GSG1L: variants seen among roughly 807,000 people sequenced by gnomAD.
GSG1L encodes GSG1 like, also known as germ cell-specific gene 1-like protein.
GSG1L carries 24 observed loss-of-function variants against 42.1 expected under a neutral mutation model. The observed-to-expected ratio is 0.57, with a 90% CI of 0.41 to 0.80. The LOEUF is 0.80. Ranked by LOEUF, GSG1L falls within the 30% of genes least tolerant of loss-of-function variation. The pLI is 0.00. For synonymous variants in GSG1L, 215 were observed against 203.5 expected (o/e 1.06, Z -0.48); for missense variants, 445 against 472.2 (o/e 0.94, Z 0.53).
In GSG1L at chr16:28,007,496, TTGGTTGGTTGGTTGGTTGG is replaced by T. The variant is rs1359341019; in HGVS notation, c.350-44312_350-44294del. On this transcript the variant is annotated intron_variant, in intron 1 of 6. Coordinates refer to ENST00000447459, the MANE Select transcript of GSG1L (RefSeq NM_001109763.2). ...TGTGTGTGGTTGGTTGGTTGGTTGG[TTGGTTGGTTGGTTGGTTGG>T]TGGTTGGTTGGTTTTGAGACAGGAT... 3.6e-3 allele frequency among the ~76,000 whole-genome samples: 321 copies of T among 89,982 alleles called. 2 individuals carry two copies. The highest frequency in any genetic ancestry group is 0.021 in the African/African-American group (296 of 14,166). 59.0% of individuals were successfully genotyped at this position (89,982 alleles called of 152,430 possible).
intron 1 of GSG1L, among the ~76,000 whole-genome samples, chr16:28,038,896 A>T (rs1409855190): frequency 6.6e-6 from 1 of 152,156 alleles, no homozygotes; most frequent in Non-Finnish European, 1.5e-5. Flanking sequence ...AGTTATCGAG[A>T]TTATCTCATT....
chr16:27,912,705 T>G (rs2084405877), intron 2 of GSG1L, among the ~76,000 whole-genome samples: 1 of 152,190 alleles, frequency 6.6e-6, no homozygotes, highest in African/African-American at 2.4e-5. Flanking sequence ...CCTTACCTAG[T>G]GTAGTTGAAG....
At chr16:27,898,348 G>A (rs1026996720) in intron 2 of GSG1L, among the ~76,000 whole-genome samples, 6 of 33,408 alleles carry the variant, frequency 1.8e-4, no homozygotes, top group East Asian at 1.3e-3. Flanking sequence ...AGCCCCACCC[G>A]CCCACCCACC....
intron 3 of GSG1L, among the ~76,000 whole-genome samples, chr16:27,851,860 G>C (rs1347625487): frequency 6.6e-6 from 1 of 152,176 alleles, no homozygotes; most frequent in African/African-American, 2.4e-5. Flanking sequence ...ACTGGGGAGA[G>C]GGGTGGCAGG....
chr16:27,885,770 G>A (rs778944600), intron 2 of GSG1L, among the ~76,000 whole-genome samples: 29 of 152,216 alleles, frequency 1.9e-4, no homozygotes, highest in Non-Finnish European at 4.1e-4. Context: ...CTGACCACAT[G>A]AGCACCTGGT....
At chr16:27,851,459 G>A (rs1303813939) in intron 3 of GSG1L, among the ~76,000 whole-genome samples, 5 of 152,120 alleles carry the variant, frequency 3.3e-5, no homozygotes, top group African/African-American at 1.2e-4. Flanking sequence ...GTCTCCCAAA[G>A]TGCCGGGATC....
At chr16:28,023,861 C>CAAAAAA (rs2085872362) in intron 1 of GSG1L, among the ~76,000 whole-genome samples, 1 of 151,536 alleles carries the variant, frequency 6.6e-6, no homozygotes, top group African/African-American at 2.4e-5. Context: ...CCCACCTCTA[C>CAAAAAA]AAAACAAAAA....
At chr16:27,912,744 C>G (rs746073118) in intron 2 of GSG1L, among the ~76,000 whole-genome samples, 2 of 152,104 alleles carry the variant, frequency 1.3e-5, no homozygotes, top group Non-Finnish European at 2.9e-5. Flanking sequence ...CCAGCAATCA[C>G]AGTCCAATTT....
intron 1 of GSG1L, among the ~76,000 whole-genome samples, chr16:27,970,420 A>G (rs1168885568): frequency 3.3e-5 from 5 of 151,872 alleles, no homozygotes; most frequent in Non-Finnish European, 7.4e-5. Context: ...AAAAATACAA[A>G]AAGTAGCCAG....
intron 1 of GSG1L, among the ~76,000 whole-genome samples, chr16:28,060,222 C>A (rs1246909480): frequency 6.6e-6 from 1 of 151,580 alleles, no homozygotes; most frequent in Non-Finnish European, 1.5e-5. Context: ...TTTTCCTCTT[C>A]GAGTAAAAAA....
chr16:27,863,204 A>T (rs946841383), intron 3 of GSG1L: 5 of 152,066 alleles, frequency 3.3e-5, no homozygotes, highest in African/African-American at 1.2e-4. Context: ...CCCACCTATA[A>T]TTTCCTTATT....
chr16:27,908,204 T>G (rs944374035), intron 2 of GSG1L, among the ~76,000 whole-genome samples: 2 of 152,224 alleles, frequency 1.3e-5, no homozygotes, highest in African/African-American at 2.4e-5. Flanking sequence ...AAGGACCCAC[T>G]GGGCAGAACC....
intron 1 of GSG1L, among the ~76,000 whole-genome samples, chr16:28,022,585 G>A (rs568942507): frequency 7.3e-5 from 11 of 151,686 alleles, no homozygotes; most frequent in Admixed American, 5.9e-4. Context: ...AGCAATTCTC[G>A]TGACTCAGCC....
chr16:27,988,799 A>G (rs6498056), intron 1 of GSG1L, among the ~76,000 whole-genome samples: 12,340 of 151,006 alleles, frequency 0.082, 1,586 homozygotes, highest in African/African-American at 0.28. Flanking sequence ...TCACGTCTGT[A>G]ATCCCAGCAC....
intron 1 of GSG1L, among the ~76,000 whole-genome samples, chr16:28,003,937 G>A (rs1427017873): frequency 6.6e-6 from 1 of 152,248 alleles, no homozygotes; most frequent in Non-Finnish European, 1.5e-5. Context: ...TGAAAAGCTT[G>A]AAGCCAGGAA....
rs372812007 is a variant in GSG1L, at chr16:27,969,576, T to C, written c.350-6373A>G. On this transcript the variant is annotated intron_variant, in intron 1 of 6. Coordinates refer to ENST00000447459, the MANE Select transcript of GSG1L (RefSeq NM_001109763.2). Reference sequence around the variant, plus strand: ...CTATGTTATTTATATCACAGAATAATATTACATGATGTGGATATACCACCT... The same window carrying C: ...CTATGTTATTTATATCACAGAATAACATTACATGATGTGGATATACCACCT... 1.6e-4 allele frequency among the ~76,000 whole-genome samples: 24 copies of C among 152,348 alleles called. 1 individual carries two copies. Among genetic ancestry groups the C allele is most frequent in the African/African-American group, 5.8e-4 (24 of 41,580 alleles).
intron 2 of GSG1L, among the ~76,000 whole-genome samples, chr16:27,956,064 G>A (rs7194904): frequency 0.47 from 72,067 of 151,946 alleles, 17,521 homozygotes; most frequent in African/African-American, 0.56. Flanking sequence ...CCAATAATTT[G>A]CAAAAAGGAT....
intron 1 of GSG1L, among the ~76,000 whole-genome samples, chr16:27,982,317 G>C (rs2085334657): frequency 2.0e-5 from 3 of 152,216 alleles, no homozygotes; most frequent in African/African-American, 4.8e-5. Context: ...AGTGAGCTAT[G>C]ATTGTGCCAT....
chr16:27,803,209 C>A (rs778582667), intron 6 of GSG1L, among the ~76,000 whole-genome samples: 7 of 152,080 alleles, frequency 4.6e-5, no homozygotes, highest in Admixed American at 4.6e-4. Context: ...CCCAGCTCCA[C>A]GGTGGTGCAC....
Sources: gnomAD v4.1 joint callset for allele counts (sites outside exome capture counted in the v4.1 genomes callset) on GRCh38, gnomAD v4.1.1 for gene constraint, MANE v1.5 for transcripts, NCBI Gene and HGNC (gene_info 2026-07-23, HGNC 2026-07-21) for gene names.